The following ITGAM variants were observed in gnomAD, a reference collection of about 807,000 sequenced individuals.
ITGAM encodes integrin alpha-M.
In ITGAM, 79 loss-of-function variants were observed where a neutral mutation model predicts 137.5. The observed-to-expected ratio is 0.57, with a 90% CI of 0.48 to 0.69. ITGAM has a LOEUF of 0.69. ITGAM is among the 30% of genes least tolerant of loss of function. ITGAM has a pLI of 0.00. For synonymous variants in ITGAM, 583 were observed against 592.3 expected (o/e 0.98, Z 0.23); for missense variants, 1,343 against 1,483.5 (o/e 0.91, Z 1.56).
rs1472154678 is a variant in ITGAM, at chr16:31,324,078, AGTAGGAAAG to A, written c.2003-319_2003-311del. On this transcript the variant is annotated intron_variant, in intron 16 of 29. Coordinates refer to ENST00000544665, the MANE Select transcript of ITGAM (RefSeq NM_000632.4). This position sits in a 1 kb window ranked among gnomAD's most constrained non-coding sequence, Gnocchi z 4.5. ...GAAGGGAAGGAAGGAAAGGAAGGAA[AGTAGGAAAG>A]GAAGGAAAGGAAGAAAAGGAAGGAA... Among the ~76,000 whole-genome samples the A allele has an allele frequency of 6.6e-6, 1 of 151,066 alleles. No individual in the cohort carries two copies. The highest frequency in any genetic ancestry group is 1.5e-5 in the Non-Finnish European group (1 of 67,670).
chr16:31,285,069 A>C (rs1229468051), intron 12 of ITGAM, among the ~76,000 whole-genome samples: 2 of 152,104 alleles, frequency 1.3e-5, no homozygotes, highest in Non-Finnish European at 2.9e-5. Context: ...TAAGGGCTTA[A>C]AACTCTAAAC....
At chr16:31,276,624 G>A (rs1461371250) in intron 9 of ITGAM, 47 bp from the exon 10 acceptor site, 1 of 1,409,166 alleles carries the variant, frequency 7.1e-7, no homozygotes, top group East Asian at 2.4e-5. Flanking sequence ...GAGCCACCAT[G>A]CCCGGCCTTC....
chr16:31,325,179 G>C (rs1444964635), intron 19 of ITGAM, 84 bp from the exon 20 acceptor site: 2 of 1,525,372 alleles, frequency 1.3e-6, no homozygotes, highest in African/African-American at 2.8e-5. Context: ...TTCATCAAGT[G>C]TCTGCGTCTC....
intron 14 of ITGAM, among the ~76,000 whole-genome samples, chr16:31,302,428 C>T (rs79652207): frequency 0.03 from 3,078 of 103,090 alleles, 91 homozygotes; most frequent in South Asian, 0.061. Context: ...TTCTTTCTTT[C>T]TTCTTTCTTT....
rs536274291 is a variant in ITGAM, at chr16:31,271,800, G to T, written c.559-47G>T. ...TGGAGCTTGCTGGGAGATGTCTGAG[G>T]GGTGGGGGCACCTTCTCCAGCATCA... On this transcript the variant is annotated intron_variant, in intron 6 of 29. Transcript: ENST00000544665. 57 of 1,610,440 alleles carry T rather than the reference G, an allele frequency of 3.5e-5. 1 individual carries two copies. The South Asian group carries it at 4.6e-4, about 13-fold the overall frequency.
chr16:31,320,041 T>C (rs1238857172), intron 14 of ITGAM, among the ~76,000 whole-genome samples: 1 of 152,136 alleles, frequency 6.6e-6, no homozygotes, highest in Non-Finnish European at 1.5e-5. Context: ...CTTGATCTCC[T>C]GACCTCGTGA....
intron 19 of ITGAM, 97 bp from the exon 20 acceptor site, chr16:31,325,166 C>G (rs2080494111): frequency 6.7e-7 from 1 of 1,502,994 alleles, no homozygotes; most frequent in Admixed American, 2.2e-5. Context: ...CCACTGTTGT[C>G]TCTTCATCAA....
At chr16:31,288,940 T>C (rs1416047897) in intron 12 of ITGAM, among the ~76,000 whole-genome samples, 1 of 152,000 alleles carries the variant, frequency 6.6e-6, no homozygotes, top group African/African-American at 2.4e-5. Flanking sequence ...AACAAGTGGG[T>C]GAAGGATATT....
In ITGAM at chr16:31,325,391, T is replaced by C. The variant is rs775444213; in HGVS notation, c.2492T>C (p.Val831Ala). The change falls in exon 20 of 30, where the codon GTG becomes GCG. Residue 831 changes from valine (V) to alanine (A), a missense_variant. Val to Ala is a moderately conservative substitution (Grantham distance 64). Transcript: ENST00000544665. ...FFPLDLSYRK[V>A]STLQNQRSQR... ...CCGCTTGACCTGTCCTACCGGAAGG[T>C]GTCCACGCTCCAGGTAGCCACATCC... The C allele has an allele frequency of 6.2e-7, 1 of 1,613,244 alleles. No homozygotes were observed. The highest frequency in any genetic ancestry group is 2.2e-5 in the East Asian group (1 of 44,890).
chr16:31,326,175 T>C (rs1424009082), intron 21 of ITGAM, among the ~76,000 whole-genome samples: 1 of 152,208 alleles, frequency 6.6e-6, no homozygotes, highest in African/African-American at 2.4e-5. Flanking sequence ...AACATCTTCA[T>C]TACCTCACAA....
intron 12 of ITGAM, among the ~76,000 whole-genome samples, chr16:31,283,632 CA>C (rs1398877625): frequency 2.6e-5 from 4 of 152,178 alleles, no homozygotes; most frequent in Admixed American, 6.6e-5. Context: ...AATCTTTTTA[CA>C]AGGTTTTTAG....
At chr16:31,281,862 T>C (rs2079973031) in intron 12 of ITGAM, among the ~76,000 whole-genome samples, 1 of 152,246 alleles carries the variant, frequency 6.6e-6, no homozygotes, top group Non-Finnish European at 1.5e-5. Flanking sequence ...CATTTAGTGC[T>C]ATAAATTTCC....
At chr16:31,265,722 C>A in intron 3 of ITGAM, 89 bp from the exon 4 acceptor site, 1 of 1,114,722 alleles carries the variant, frequency 9.0e-7, no homozygotes, top group Non-Finnish European at 1.3e-6. Context: ...ACCTCCTTGT[C>A]TCCCGCATGG....
Position 31,277,960 on chromosome 16 carries a change from C to T in ITGAM, c.1214-7C>T. The T allele has an allele frequency of 6.3e-7, 1 of 1,584,986 alleles. No individual in the cohort carries two copies. The highest frequency in any genetic ancestry group is 1.7e-4 in the Middle Eastern group (1 of 6,028). Reference sequence around the variant, plus strand: ...ATGCACTTCACCTCTCAGACCCCCACCTTCAGGTTATGCTGCCGCCATCAT... The same window carrying T: ...ATGCACTTCACCTCTCAGACCCCCATCTTCAGGTTATGCTGCCGCCATCAT... On this transcript the variant is annotated splice_region_variant and splice_polypyrimidine_tract_variant and intron_variant, in intron 11 of 29. Transcript: ENST00000544665.
chr16:31,270,735 A>ATATG (rs2079827489), intron 5 of ITGAM, among the ~76,000 whole-genome samples: 1 of 112,820 alleles, frequency 8.9e-6, no homozygotes, highest in Admixed American at 8.6e-5. Flanking sequence ...ATATATATAT[A>ATATG]TATATATATG....
At position 31,325,528 on chromosome 16, in the gene ITGAM, T is replaced by C. The variant is rs2080499826; in HGVS notation, c.2534T>C (p.Leu845Pro). The change falls in exon 21 of 30, where the codon CTG (leucine) becomes CCG (proline). Residue 845 changes from leucine to proline, a missense_variant. Coordinates refer to ENST00000544665, the MANE Select transcript of ITGAM (RefSeq NM_000632.4). ...QNQRSQRSWRLACESASSTEV... is the reference protein window; with the variant it reads ...QNQRSQRSWRPACESASSTEV... Reference sequence around the variant, plus strand: ...CAGCGCTCACAGCGATCCTGGCGCCTGGCCTGTGAGTCTGCCTCCTCCACC... The same window carrying C: ...CAGCGCTCACAGCGATCCTGGCGCCCGGCCTGTGAGTCTGCCTCCTCCACC... 1 of 1,613,860 alleles carries C rather than the reference T, an allele frequency of 6.2e-7. No individual in the cohort carries two copies. The highest frequency in any genetic ancestry group is 1.7e-5 in the Admixed American group (1 of 59,984).
At position 31,332,527 on chromosome 16, in the gene ITGAM, T is replaced by C. The variant is rs2080601217; in HGVS notation, c.*820T>C. The C allele has an allele frequency of 6.6e-6, 1 of 152,244 alleles. No homozygotes were observed. Among genetic ancestry groups the C allele is most frequent in the Admixed American group, 6.5e-5 (1 of 15,274 alleles). 9.4% of individuals were successfully genotyped at this position (152,244 alleles called of 1,614,324 possible). A position where few individuals can be genotyped will look rare whatever the true frequency, so the allele number is the denominator to read the frequency against. On this transcript the variant is annotated 3_prime_UTR_variant, in exon 30 of 30. Coordinates refer to ENST00000544665, the MANE Select transcript of ITGAM (RefSeq NM_000632.4). ...TTTCCAGATATTCAAGTCACCTCCTTAAAGGTAGTCAAGATTGTGTTTTGA... is the reference window on the plus strand; with the variant it reads ...TTTCCAGATATTCAAGTCACCTCCTCAAAGGTAGTCAAGATTGTGTTTTGA...
At position 31,321,683 on chromosome 16, in the gene ITGAM, G is replaced by C. The variant is rs1235909429; in HGVS notation, c.2002+56G>C. The C allele has an allele frequency of 1.9e-6, 3 of 1,553,214 alleles. No homozygotes were observed. The South Asian group carries it at 3.5e-5, about 18-fold the overall frequency. On this transcript the variant is annotated intron_variant, in intron 16 of 29. Coordinates refer to ENST00000544665, the MANE Select transcript of ITGAM (RefSeq NM_000632.4). Reference sequence around the variant, plus strand: ...TAAACGACCGAGGACATGAATGGGTGCTGCAATCCACTCTGCCCAGCCTTC... The same window carrying C: ...TAAACGACCGAGGACATGAATGGGTCCTGCAATCCACTCTGCCCAGCCTTC...
At chr16:31,322,682 A>G (rs1359266790) in intron 16 of ITGAM, among the ~76,000 whole-genome samples, 1 of 152,198 alleles carries the variant, frequency 6.6e-6, no homozygotes, top group Non-Finnish European at 1.5e-5. Flanking sequence ...TGATTCAGAA[A>G]TTAGAGTGAT....
Sources: allele counts gnomAD v4.1 joint callset (sites outside exome capture counted in the v4.1 genomes callset), GRCh38; gene constraint gnomAD v4.1.1; non-coding constraint Gnocchi (gnomAD v3.1); transcripts MANE v1.5; gene names NCBI Gene and HGNC (gene_info 2026-07-23, HGNC 2026-07-21).